Variants in RAP1GAP observed in about 807,000 individuals in gnomAD.
The protein encoded by RAP1GAP is RAP1 GTPase activating protein, also known as rap1 GTPase-activating protein 1.
In RAP1GAP, 35 loss-of-function variants were observed where a neutral mutation model predicts 87.2. The ratio of observed to expected loss-of-function variants is 0.40; its 90% CI spans 0.31 to 0.53. The LOEUF (loss-of-function observed/expected upper bound fraction) is 0.53, where lower values mean the gene tolerates loss of function less well. RAP1GAP is among the 20% of genes least tolerant of loss of function. RAP1GAP has a pLI of 0.48. For synonymous variants in RAP1GAP, 375 were observed against 363.9 expected (o/e 1.03, Z -0.35); for missense variants, 734 against 898.9 (o/e 0.82, Z 2.35).
chr1:21,626,871 AG>A, intron 2 of RAP1GAP: 2 of 456,760 alleles, frequency 4.4e-6, no homozygotes, highest in Non-Finnish European at 4.4e-6. Context: ...ACCACATGCC[AG>A]GCCCTGTGCT....
Position 21,598,065 on chromosome 1 carries a change from C to A in RAP1GAP, c.1880-1G>T. The A allele has an allele frequency of 8.0e-7, 1 of 1,248,806 alleles. No individual in the cohort carries two copies. The highest frequency in any genetic ancestry group is 2.0e-5 in the Admixed American group (1 of 48,792). 77.4% of individuals were successfully genotyped at this position (1,248,806 alleles called of 1,614,324 possible). On this transcript the variant is annotated splice_acceptor_variant, in intron 22 of 24. Transcript: ENST00000374765. LOFTEE classifies it high-confidence loss of function. ...TCTGGGTGGGGTGATCGAGAGGGGC[C>A]TGGGGAGGGGGGCAGGAGGGAGCCA...
At position 21,652,054 on chromosome 1, in the gene RAP1GAP, C is replaced by A. The variant is rs1015761453; in HGVS notation, c.-148-2258G>T. Among the ~76,000 whole-genome samples, 8 of 151,622 alleles carry A rather than the reference C, an allele frequency of 5.3e-5. No individual in the cohort carries two copies. In the South Asian group the frequency reaches 8.3e-4, roughly 16 times the overall value. On this transcript the variant is annotated intron_variant, in intron 1 of 24. Transcript: ENST00000374765. Reference sequence around the variant, plus strand: ...GCTTCGCGGGACTTTCCGAGCCGGGCCCAGCCGGGCGGGGATTGCGGGGCC... The same window carrying A: ...GCTTCGCGGGACTTTCCGAGCCGGGACCAGCCGGGCGGGGATTGCGGGGCC...
chr1:21,626,477 T>A, intron 2 of RAP1GAP, 80 bp from the exon 3 acceptor site: 1 of 1,174,732 alleles, frequency 8.5e-7, no homozygotes, highest in Non-Finnish European at 1.3e-6. Flanking sequence ...CTCTCAGAGC[T>A]GGGGGATGTG....
chr1:21,648,478 C>G (rs886956786), intron 2 of RAP1GAP, among the ~76,000 whole-genome samples: 18 of 152,294 alleles, frequency 1.2e-4, no homozygotes, highest in African/African-American at 4.1e-4. Context: ...CTCATTTCCC[C>G]ACTCCGGGCT....
intron 18 of RAP1GAP, 25 bp downstream of exon 18, chr1:21,606,041 G>A (rs1320617668): frequency 4.5e-6 from 7 of 1,563,734 alleles, no homozygotes; most frequent in Non-Finnish European, 6.1e-6. Context: ...AGGGGCCGGG[G>A]CCTGGGGAGG....
rs1444045334 is a variant in RAP1GAP, at chr1:21,603,627, T to G, written c.1429-714A>C. 1 of 741,604 alleles carries G rather than the reference T, an allele frequency of 1.3e-6. No individual in the cohort carries two copies. The highest frequency in any genetic ancestry group is 2.5e-6 in the Non-Finnish European group (1 of 407,616). The allele number at this position is 741,604 out of a possible 1,614,324, so 45.9% of individuals were successfully genotyped here. Reference sequence around the variant, plus strand: ...GGGCCAAGGCAGGGCCAGAAGCCCCTGGTGAGGGGCACTGGCTCTGGCACA... The same window carrying G: ...GGGCCAAGGCAGGGCCAGAAGCCCCGGGTGAGGGGCACTGGCTCTGGCACA... On this transcript the variant is annotated intron_variant, in intron 18 of 24. Transcript: ENST00000374765. This position sits in a 1 kb window ranked among gnomAD's most constrained non-coding sequence, Gnocchi z 6.0.
At chr1:21,649,881 A>C in intron 1 of RAP1GAP, 85 bp from the exon 2 acceptor site, 1 of 1,372,226 alleles carries the variant, frequency 7.3e-7, no homozygotes, top group Non-Finnish European at 1.0e-6. Context: ...CCTGCACTGC[A>C]CCACCCTCCC....
chr1:21,606,416 G>A (rs957347408), intron 17 of RAP1GAP, among the ~76,000 whole-genome samples: 1 of 152,228 alleles, frequency 6.6e-6, no homozygotes, highest in African/African-American at 2.4e-5. Flanking sequence ...TACATACGGG[G>A]CCTAAGGGTA....
intron 17 of RAP1GAP, 139 bp from the exon 18 acceptor site, chr1:21,606,336 G>T: frequency 7.8e-7 from 1 of 1,280,332 alleles, no homozygotes; most frequent in Non-Finnish European, 1.1e-6. Flanking sequence ...CCCTGGGCAT[G>T]TGGCCAGCAG....
At position 21,613,104 on chromosome 1, in the gene RAP1GAP, G is replaced by T. The variant is rs1306766410; in HGVS notation, c.528+72C>A. The T allele has an allele frequency of 7.0e-7, 1 of 1,424,788 alleles. No individual in the cohort carries two copies. Among genetic ancestry groups the T allele is most frequent in the African/African-American group, 1.4e-5 (1 of 70,852 alleles). The allele number at this position is 1,424,788 out of a possible 1,614,324, so 88.3% of individuals were successfully genotyped here. On this transcript the variant is annotated intron_variant, in intron 10 of 24. Coordinates refer to ENST00000374765, the MANE Select transcript of RAP1GAP (RefSeq NM_002885.4). The surrounding 1 kb of genome is among the most constrained non-coding windows in gnomAD (Gnocchi z 4.7). The stretch of plus-strand genomic sequence containing the variant: ...TTGGGAAAGTATCTGGCACACAGAA[G>T]GTGCTTAATAAATGCTCAGTCTTCC...
At chr1:21,640,704 C>T (rs1044145330) in intron 2 of RAP1GAP, among the ~76,000 whole-genome samples, 5 of 129,654 alleles carry the variant, frequency 3.9e-5, no homozygotes, top group African/African-American at 6.2e-5. Flanking sequence ...AGGGTCTTTG[C>T]GCCAGGTAGA....
chr1:21,660,345 A>ATATATATATATT lies in RAP1GAP; in HGVS notation c.-149+8908_-149+8909insAATATATATATA. On this transcript the variant is annotated intron_variant, in intron 1 of 24. Transcript: ENST00000374765. The stretch of plus-strand genomic sequence containing the variant: ...AGAGTGGGTTCCAACTCAGCTATAT[A>ATATATATATATT]TATTTATTGAGACAGTCTCGCTCTG... Among the ~76,000 whole-genome samples the ATATATATATATT allele has an allele frequency of 8.6e-5, 8 of 92,636 alleles. 1 individual carries two copies. Among genetic ancestry groups the ATATATATATATT allele is most frequent in the African/African-American group, 1.5e-4 (4 of 26,070 alleles). 60.8% of individuals were successfully genotyped at this position (92,636 alleles called of 152,430 possible).
At chr1:21,637,145 CTTTTTTTTTTT>C (rs869047762) in intron 2 of RAP1GAP, among the ~76,000 whole-genome samples, 2 of 128,508 alleles carry the variant, frequency 1.6e-5, no homozygotes, top group African/African-American at 5.6e-5. Flanking sequence ...TCTTTTTTTT[CTTTTTTTTTTT>C]TTTTTTTGGT....
intron 17 of RAP1GAP, among the ~76,000 whole-genome samples, chr1:21,607,140 G>A (rs1287749594): frequency 6.6e-6 from 1 of 152,180 alleles, no homozygotes; most frequent in Non-Finnish European, 1.5e-5. Context: ...CTGGAGGATG[G>A]GCAGTTATCC....
intron 3 of RAP1GAP, among the ~76,000 whole-genome samples, chr1:21,624,163 C>T (rs1265527808): frequency 2.6e-5 from 4 of 152,130 alleles, no homozygotes; most frequent in South Asian, 2.1e-4. Flanking sequence ...TCTGAATCCC[C>T]GAGTGGAGAA....
intron 2 of RAP1GAP, among the ~76,000 whole-genome samples, chr1:21,645,277 C>G (rs918115098): frequency 6.6e-6 from 1 of 152,036 alleles, no homozygotes; most frequent in Non-Finnish European, 1.5e-5. Context: ...CATTCTGGTC[C>G]CAAATGACCC....
intron 2 of RAP1GAP, 89 bp downstream of exon 2, chr1:21,649,672 C>G (rs1042715059): frequency 1.1e-5 from 15 of 1,425,588 alleles, no homozygotes; most frequent in Non-Finnish European, 1.5e-5. Context: ...AAGGTCTGGC[C>G]TGGCATCGCA....
chr1:21,659,488 C>T (rs1295905558), intron 1 of RAP1GAP, among the ~76,000 whole-genome samples: 1 of 152,152 alleles, frequency 6.6e-6, no homozygotes, highest in East Asian at 1.9e-4. Flanking sequence ...GCGCCAGGCG[C>T]CGCCGCACGT....
At chr1:21,655,075 G>A (rs2096804489) in intron 1 of RAP1GAP, among the ~76,000 whole-genome samples, 1 of 151,696 alleles carries the variant, frequency 6.6e-6, no homozygotes, top group Non-Finnish European at 1.5e-5. Context: ...AGGAGGTGGA[G>A]GTTGCAGTGA....
Sources: allele counts gnomAD v4.1 joint callset (sites outside exome capture counted in the v4.1 genomes callset), GRCh38; gene constraint gnomAD v4.1.1; non-coding constraint Gnocchi (gnomAD v3.1); transcripts MANE v1.5; gene names NCBI Gene and HGNC (gene_info 2026-07-23, HGNC 2026-07-21).